LRRK1: variants seen among roughly 807,000 people sequenced by gnomAD.
LRRK1 encodes the protein leucine rich repeat kinase 1, also known as leucine-rich repeat serine/threonine-protein kinase 1.
Under a neutral mutation model 209.1 loss-of-function variants are expected in LRRK1, and 113 were observed. That is an observed-to-expected ratio of 0.54 (90% CI 0.46 to 0.63). LRRK1 has a LOEUF of 0.63. LRRK1 is among the 30% of genes least tolerant of loss of function. The pLI is 0.00. For synonymous variants in LRRK1, 1,144 were observed against 1,099.7 expected, an observed-to-expected ratio of 1.04 and a Z score of -0.80; for missense variants, 2,284 against 2,632.2, an observed-to-expected ratio of 0.87 and a Z score of 2.89.
intron 31 of LRRK1, 58 bp downstream of exon 31, chr15:101,062,748 G>T: frequency 1.6e-6 from 2 of 1,244,678 alleles, no homozygotes; most frequent in Non-Finnish European, 1.2e-6. Context: ...CGCCTAGGAG[G>T]CGTCTCCTAG....
intron 2 of LRRK1, among the ~76,000 whole-genome samples, chr15:100,929,706 G>T (rs1404599950): frequency 6.6e-6 from 1 of 152,204 alleles, no homozygotes; most frequent in African/African-American, 2.4e-5. Context: ...CTGCCTGAAC[G>T]TGCTGGGCTG....
chr15:100,984,560 G>A (rs1025174887), intron 4 of LRRK1, among the ~76,000 whole-genome samples: 9 of 134,956 alleles, frequency 6.7e-5, no homozygotes, highest in East Asian at 2.5e-4. Context: ...CCAGAACATC[G>A]CTCTAGTTGG....
chr15:100,932,411 C>G (rs911614260), intron 2 of LRRK1, among the ~76,000 whole-genome samples: 3 of 152,212 alleles, frequency 2.0e-5, no homozygotes, highest in African/African-American at 7.2e-5. Context: ...GAGGATGTCT[C>G]AGAGTTCCCT....
chr15:100,933,821 CAAAAAAAAAA>C (rs67129854), intron 2 of LRRK1, among the ~76,000 whole-genome samples: 6 of 42,866 alleles, frequency 1.4e-4, no homozygotes, highest in Non-Finnish European at 2.0e-4. Flanking sequence ...GACTCCATCT[CAAAAAAAAAA>C]AAAAAAAAAA....
chr15:101,038,010 T>C (rs2034567143), intron 20 of LRRK1, among the ~76,000 whole-genome samples: 1 of 152,200 alleles, frequency 6.6e-6, no homozygotes, highest in South Asian at 2.1e-4. Flanking sequence ...AAAATTGTGG[T>C]ATATATACAC....
At chr15:100,986,579 G>C (rs11857215) in intron 4 of LRRK1, among the ~76,000 whole-genome samples, 3 of 152,136 alleles carry the variant, frequency 2.0e-5, no homozygotes, top group Admixed American at 1.3e-4. Flanking sequence ...CTGAGTCACT[G>C]CCTGGCTCTG....
chr15:101,000,635 C>G (rs943796043), intron 6 of LRRK1, among the ~76,000 whole-genome samples: 2 of 152,228 alleles, frequency 1.3e-5, no homozygotes, highest in African/African-American at 2.4e-5. Flanking sequence ...GTCCCCAACA[C>G]TTCTCGGCTT....
Position 101,021,909 on chromosome 15 carries a change from A to C in LRRK1, c.1804A>C (p.Thr602Pro). ...GQLGNLWQLDTEDLTISNVPA... is the reference protein window; with the variant it reads ...GQLGNLWQLDPEDLTISNVPA... ...GCTGGGCAACCTCTGGCAGCTGGAC[A>C]CTGAAGACCTGACCATCAGCAATGT... Residue 602 changes from threonine to proline, a missense_variant, in exon 14 of 34, where the codon ACT becomes CCT. Thr to Pro is a conservative substitution (Grantham distance 38, BLOSUM62 -1). Transcript: ENST00000388948. The C allele has an allele frequency of 6.2e-7, 1 of 1,614,152 alleles. No homozygotes were observed. The highest frequency in any genetic ancestry group is 1.3e-5 in the African/African-American group (1 of 75,024).
chr15:101,003,169 T>C (rs2032783783), intron 6 of LRRK1, among the ~76,000 whole-genome samples: 1 of 152,174 alleles, frequency 6.6e-6, no homozygotes. Context: ...CCAGACCAGG[T>C]AGAAATTGCA....
At chr15:101,012,978 TG>T (rs1296115666) in intron 10 of LRRK1, among the ~76,000 whole-genome samples, 4 of 152,100 alleles carry the variant, frequency 2.6e-5, no homozygotes, top group Non-Finnish European at 5.9e-5. Flanking sequence ...CCTGGGCCCC[TG>T]TTCTGAGTCT....
chr15:101,015,520 A>C (rs1375184539), intron 12 of LRRK1, 118 bp downstream of exon 12: 1 of 696,424 alleles, frequency 1.4e-6, no homozygotes, highest in Non-Finnish European at 2.5e-6. Context: ...GCCCTGTTGC[A>C]ATGCCACAGA....
chr15:100,999,970 TC>T (rs1438496941), intron 6 of LRRK1, among the ~76,000 whole-genome samples: 2 of 152,256 alleles, frequency 1.3e-5, no homozygotes, highest in African/African-American at 4.8e-5. Flanking sequence ...CGGTAATATT[TC>T]CTTTCTTTGT....
intron 2 of LRRK1, among the ~76,000 whole-genome samples, chr15:100,961,726 T>TG (rs758969507): frequency 2.4e-4 from 37 of 151,184 alleles, no homozygotes; most frequent in Non-Finnish European, 4.1e-4. Flanking sequence ...TGGCAGGTGC[T>TG]GGGGGTCCAA....
chr15:101,052,928 C>T lies in LRRK1; in HGVS notation c.3696C>T (p.Phe1232=). 2 of 1,605,042 alleles carry T rather than the reference C, an allele frequency of 1.2e-6. No homozygotes were observed. The highest frequency in any genetic ancestry group is 1.7e-6 in the Non-Finnish European group (2 of 1,173,146). ...LFMTDFPARL[F]LENSKLEHSE... ...TGCCGGGCGTGTGTGGCAGGCTCTT[C>T]CTGGAGAACAGCAAGCTGGAGCACA... is the stretch of plus-strand genomic sequence containing the variant. The change falls in exon 25 of 34, where the codon TTC becomes TTT. Residue 1232 remains phenylalanine (F), a synonymous_variant. Transcript: ENST00000388948.
rs562159818 is a variant in LRRK1, at chr15:100,951,322, G to A, written c.98-22482G>A. On this transcript the variant is annotated intron_variant, in intron 2 of 33. Coordinates refer to ENST00000388948, the MANE Select transcript of LRRK1 (RefSeq NM_024652.6). ...GTAGTCAGGATATGGAGAAATTGGAGCGTTCATTCATTGAAGGTGGGACTG... is the reference window on the plus strand; with the variant it reads ...GTAGTCAGGATATGGAGAAATTGGAACGTTCATTCATTGAAGGTGGGACTG... Among the ~76,000 whole-genome samples the A allele has an allele frequency of 2.0e-5, 3 of 152,282 alleles. 1 individual carries two copies. The East Asian group carries it at 5.8e-4, about 29-fold the overall frequency.
intron 6 of LRRK1, among the ~76,000 whole-genome samples, chr15:100,990,775 A>G (rs906783929): frequency 3.3e-5 from 5 of 151,052 alleles, no homozygotes; most frequent in African/African-American, 9.7e-5. Flanking sequence ...AATGTTGCCA[A>G]TATTTTTCCC....
chr15:101,042,101 A>G (rs965998108), intron 20 of LRRK1, among the ~76,000 whole-genome samples: 2 of 152,312 alleles, frequency 1.3e-5, no homozygotes, highest in Non-Finnish European at 2.9e-5. Flanking sequence ...AAATTAAGGG[A>G]AAAATGTTGA....
rs2036890838 is a variant in LRRK1 at position 101,073,946 on chromosome 15, T to C, written c.*5098T>C. The C allele has an allele frequency of 6.6e-6, 1 of 152,152 alleles. No homozygotes were observed. The highest frequency in any genetic ancestry group is 2.1e-4 in the South Asian group (1 of 4,828). 9.4% of individuals were successfully genotyped at this position (152,152 alleles called of 1,614,324 possible). On this transcript the variant is annotated 3_prime_UTR_variant, in exon 34 of 34. Transcript: ENST00000388948. ...GACCCCAATACAAACTCAACAGTAGTTCCAAATAGCCGGAAAACAGCACTT... is the reference window on the plus strand; with the variant it reads ...GACCCCAATACAAACTCAACAGTAGCTCCAAATAGCCGGAAAACAGCACTT...
At position 101,027,170 on chromosome 15, in the gene LRRK1, G is replaced by A. The variant is rs1355881939; in HGVS notation, c.2406-91G>A. On this transcript the variant is annotated intron_variant, in intron 17 of 33. Transcript: ENST00000388948. The surrounding 1 kb of genome is among the most constrained non-coding windows in gnomAD (Gnocchi z 5.1). ...TCACGAGTTCTCCAGACTTGCCAGC[G>A]TTCAGGACAAACCTCTCAGGGAAAC... 41 of 1,533,274 alleles carry A rather than the reference G, an allele frequency of 2.7e-5. No individual in the cohort carries two copies. In the East Asian group the frequency reaches 5.2e-4, roughly 19 times the overall value. The allele number at this position is 1,533,274 out of a possible 1,614,324, so 95.0% of individuals were successfully genotyped here. A position where few individuals can be genotyped will look rare whatever the true frequency, so the allele number is the denominator to read the frequency against.
Sources: allele counts gnomAD v4.1 joint callset (sites outside exome capture counted in the v4.1 genomes callset), GRCh38; gene constraint gnomAD v4.1.1; non-coding constraint Gnocchi (gnomAD v3.1); transcripts MANE v1.5; gene names NCBI Gene and HGNC (gene_info 2026-07-23, HGNC 2026-07-21).